DNM3: variants seen among roughly 807,000 people sequenced by gnomAD.
The protein encoded by DNM3 is dynamin-3.
Under a neutral mutation model 101.6 loss-of-function variants are expected in DNM3, and 47 were observed. That is an observed-to-expected ratio of 0.46 (90% CI 0.37 to 0.59). The LOEUF (loss-of-function observed/expected upper bound fraction) is 0.59, where lower values mean the gene tolerates loss of function less well. Among genes scored for constraint, DNM3 ranks in the 20% least tolerant of loss-of-function variants. The pLI, the probability that DNM3 is intolerant of heterozygous loss-of-function variation, is 0.00. For missense variants in DNM3, 849 were observed against 1,085.7 expected (o/e 0.78, Z 3.06); for synonymous variants, 385 against 387.9 (o/e 0.99, Z 0.09).
intron 20 of DNM3, among the ~76,000 whole-genome samples, chr1:172,402,057 G>A (rs902955264): frequency 6.6e-6 from 1 of 152,066 alleles, no homozygotes; most frequent in African/African-American, 2.4e-5. Context: ...TACCGCTTGG[G>A]ACACTGCCCT....
intron 17 of DNM3, among the ~76,000 whole-genome samples, chr1:172,371,238 C>G (rs1481726230): frequency 2.6e-5 from 4 of 151,954 alleles, no homozygotes; most frequent in African/African-American, 9.7e-5. Context: ...ACTGAAAGGG[C>G]TTCTGAAGAT....
Position 171,871,258 on chromosome 1 carries a change from C to G in DNM3, c.161+29441C>G, listed in dbSNP as rs61805774. 3.1e-3 allele frequency among the ~76,000 whole-genome samples: 476 copies of G among 152,282 alleles called. 2 individuals are homozygous for G. The highest frequency in any genetic ancestry group is 4.8e-3 in the Non-Finnish European group (329 of 68,016). Reference sequence around the variant, plus strand: ...TACAGAGGGTGTTATTTTGGCAACTCAAATTGACAGGAAGCATTGCTGTCA... The same window carrying G: ...TACAGAGGGTGTTATTTTGGCAACTGAAATTGACAGGAAGCATTGCTGTCA... On this transcript the variant is annotated intron_variant, in intron 1 of 20. Transcript: ENST00000627582.
intron 2 of DNM3, among the ~76,000 whole-genome samples, chr1:171,942,981 A>G (rs1216797175): frequency 1.3e-5 from 2 of 152,094 alleles, no homozygotes; most frequent in African/African-American, 4.8e-5. Context: ...GTGAGGTGGC[A>G]TGCATCTGTA....
At chr1:172,299,684 T>C (rs1321123293) in intron 15 of DNM3, among the ~76,000 whole-genome samples, 2 of 152,190 alleles carry the variant, frequency 1.3e-5, no homozygotes, top group African/African-American at 4.8e-5. Context: ...GGCTTCCAGC[T>C]CCATCCATGT....
At chr1:172,162,635 A>G (rs1041396697) in intron 14 of DNM3, among the ~76,000 whole-genome samples, 6 of 152,080 alleles carry the variant, frequency 3.9e-5, no homozygotes, top group Non-Finnish European at 8.8e-5. Context: ...ATATGAATAT[A>G]TTGCTAATTT....
chr1:172,152,788 T>C (rs2058186376), intron 14 of DNM3, among the ~76,000 whole-genome samples: 1 of 152,156 alleles, frequency 6.6e-6, no homozygotes, highest in African/African-American at 2.4e-5. Flanking sequence ...TTTTTGTGTA[T>C]GTGCATGCGG....
chr1:172,087,847 A>G (rs1433042337), intron 12 of DNM3, among the ~76,000 whole-genome samples: 1 of 152,180 alleles, frequency 6.6e-6, no homozygotes, highest in Non-Finnish European at 1.5e-5. Flanking sequence ...AAGGCTCTCT[A>G]TAATCTGTAT....
At chr1:172,363,609 C>T (rs2067858691) in intron 17 of DNM3, among the ~76,000 whole-genome samples, 1 of 151,658 alleles carries the variant, frequency 6.6e-6, no homozygotes, top group Admixed American at 6.6e-5. Flanking sequence ...TCCCTGCTTC[C>T]AGTCTCACTC....
chr1:172,185,413 A>G (rs1274627025), intron 14 of DNM3, among the ~76,000 whole-genome samples: 1 of 152,132 alleles, frequency 6.6e-6, no homozygotes, highest in Non-Finnish European at 1.5e-5. Context: ...CCATTTTTAC[A>G]TTTAAGTTGA....
At chr1:172,238,362 C>T (rs1196708125) in intron 14 of DNM3, among the ~76,000 whole-genome samples, 1 of 152,092 alleles carries the variant, frequency 6.6e-6, no homozygotes, top group African/African-American at 2.4e-5. Flanking sequence ...TAAGGGCAAC[C>T]TAAGCCAAGA....
At chr1:172,320,271 T>G (rs1356560769) in intron 16 of DNM3, among the ~76,000 whole-genome samples, 4 of 151,508 alleles carry the variant, frequency 2.6e-5, no homozygotes, top group Non-Finnish European at 5.9e-5. Context: ...TTAGGAGATA[T>G]AGCTAATGCT....
intron 14 of DNM3, among the ~76,000 whole-genome samples, chr1:172,216,720 AGAAAT>A (rs2148544784): frequency 6.6e-6 from 1 of 152,132 alleles, no homozygotes; most frequent in African/African-American, 2.4e-5. Context: ...AACATAGAAA[AGAAAT>A]GGGAGTAGAG....
intron 17 of DNM3, among the ~76,000 whole-genome samples, chr1:172,342,703 A>G (rs1168816161): frequency 6.6e-6 from 1 of 152,160 alleles, no homozygotes; most frequent in Non-Finnish European, 1.5e-5. Context: ...ACAAACTTGC[A>G]TGTGTACCCC....
At chr1:172,293,799 G>A (rs925530642) in intron 15 of DNM3, among the ~76,000 whole-genome samples, 4 of 152,038 alleles carry the variant, frequency 2.6e-5, no homozygotes, top group African/African-American at 7.2e-5. Flanking sequence ...CAAGAATTTG[G>A]CTATCCTTTA....
At chr1:172,075,697 T>G (rs2052594303) in intron 11 of DNM3, among the ~76,000 whole-genome samples, 1 of 152,226 alleles carries the variant, frequency 6.6e-6, no homozygotes, top group Non-Finnish European at 1.5e-5. Context: ...ACCAGTACCA[T>G]GCTGTTGTGG....
chr1:171,873,909 G>A (rs1321790744), intron 1 of DNM3, among the ~76,000 whole-genome samples: 2 of 152,054 alleles, frequency 1.3e-5, no homozygotes, highest in East Asian at 3.8e-4. Flanking sequence ...AGCACATTTT[G>A]AGTCTTTTCT....
At chr1:172,028,607 C>A (rs58503720) in intron 4 of DNM3, among the ~76,000 whole-genome samples, 35,146 of 151,896 alleles carry the variant, frequency 0.23, 4,634 homozygotes, top group Middle Eastern at 0.33. Flanking sequence ...AAAACCCCTT[C>A]AAAAAATCAA....
chr1:172,241,239 A>ATGTG (rs1262155821), intron 14 of DNM3, among the ~76,000 whole-genome samples: 11,891 of 148,266 alleles, frequency 0.08, 564 homozygotes, highest in African/African-American at 0.13. Flanking sequence ...ATATACATAG[A>ATGTG]TGTGTGTGTG....
chr1:172,123,122 T>G (rs536813602), intron 13 of DNM3, among the ~76,000 whole-genome samples: 2 of 152,288 alleles, frequency 1.3e-5, no homozygotes, highest in East Asian at 3.9e-4. Context: ...GGAAGTAACA[T>G]CCAAATGTAA....
Sources: allele counts gnomAD v4.1 joint callset (sites outside exome capture counted in the v4.1 genomes callset), GRCh38; gene constraint gnomAD v4.1.1; transcripts MANE v1.5; gene names NCBI Gene and HGNC (gene_info 2026-07-23, HGNC 2026-07-21).